CPLANE1: variants seen among roughly 807,000 people sequenced by gnomAD.
CPLANE1 encodes the protein ciliogenesis and planar polarity effector complex subunit 1.
A neutral mutation model predicts 362.5 loss-of-function variants in CPLANE1; 263 were observed. The ratio of observed to expected loss-of-function variants is 0.73; its 90% CI spans 0.66 to 0.80. The LOEUF (loss-of-function observed/expected upper bound fraction) is 0.80. CPLANE1 is among the 30% of genes least tolerant of loss of function. CPLANE1 has a pLI of 0.00. For synonymous variants in CPLANE1, 1,212 were observed against 1,302.6 expected (o/e 0.93, Z 1.50); for missense variants, 3,461 against 3,793.4 (o/e 0.91, Z 2.30).
chr5:37,120,132 C>A, intron 50 of CPLANE1, 84 bp downstream of exon 50: 1 of 1,343,548 alleles, frequency 7.4e-7, no homozygotes, highest in Non-Finnish European at 1.0e-6. Flanking sequence ...AAGACTTATA[C>A]CTTTTACTAA....
intron 17 of CPLANE1, 107 bp from the exon 18 acceptor site, chr5:37,205,561 CT>C: frequency 1.3e-6 from 1 of 741,614 alleles, no homozygotes; most frequent in Non-Finnish European, 2.1e-6. Flanking sequence ...ATGGAATTTA[CT>C]TTTTTATCTA....
At position 37,213,385 on chromosome 5, in the gene CPLANE1, C is replaced by T. The variant is rs532593253; in HGVS notation, c.2920+174G>A. Among the ~76,000 whole-genome samples, 187 of 152,306 alleles carry T rather than the reference C, an allele frequency of 1.2e-3. 1 individual carries two copies. Among genetic ancestry groups the T allele is most frequent in the African/African-American group, 4.4e-3 (181 of 41,574 alleles). On this transcript the variant is annotated intron_variant, in intron 16 of 52. Transcript: ENST00000651892. The stretch of plus-strand genomic sequence containing the variant: ...AAAGCCATGTTCAGTAAAAACGAAT[C>T]TAAGCCATTACTTTTCTCAGATTCT...
At chr5:37,174,495 T>C (rs1780621553) in intron 31 of CPLANE1, among the ~76,000 whole-genome samples, 1 of 152,058 alleles carries the variant, frequency 6.6e-6, no homozygotes, top group Non-Finnish European at 1.5e-5. Flanking sequence ...AGAGTTTAAA[T>C]GTACCATAAA....
At chr5:37,132,337 G>GTTTTTTTTT (rs70976278) in intron 46 of CPLANE1, among the ~76,000 whole-genome samples, 6 of 77,772 alleles carry the variant, frequency 7.7e-5, no homozygotes, top group African/African-American at 2.5e-4. Flanking sequence ...GATTGTTCAA[G>GTTTTTTTTT]TTTTTTTTTT....
the CPLANE1 span, among the ~76,000 whole-genome samples, chr5:37,078,806 T>A: frequency 6.6e-6 from 1 of 152,152 alleles, no homozygotes. Context: ...TCTCTAATGA[T>A]CAGTGATGTT....
chr5:37,189,288 C>A (rs747490040), intron 21 of CPLANE1, among the ~76,000 whole-genome samples: 11 of 152,064 alleles, frequency 7.2e-5, no homozygotes, highest in Non-Finnish European at 1.5e-4. Flanking sequence ...GGAAAGTGGG[C>A]AGAAAGCAGG....
chr5:37,172,009 G>C (rs916833775), intron 32 of CPLANE1, among the ~76,000 whole-genome samples: 1 of 151,948 alleles, frequency 6.6e-6, no homozygotes, highest in Non-Finnish European at 1.5e-5. Flanking sequence ...ATGAGGTCTT[G>C]CTATGTTGTC....
chr5:37,145,720 C>G (rs1249945437), intron 43 of CPLANE1, among the ~76,000 whole-genome samples: 1 of 151,610 alleles, frequency 6.6e-6, no homozygotes, highest in African/African-American at 2.4e-5. Flanking sequence ...AAACTCCATC[C>G]AATAAAAGGC....
At chr5:37,151,715 C>T (rs888507289) in intron 42 of CPLANE1, among the ~76,000 whole-genome samples, 4 of 152,142 alleles carry the variant, frequency 2.6e-5, no homozygotes, top group African/African-American at 9.7e-5. Context: ...TGATGCTGTA[C>T]ATTTATTTGG....
intron 24 of CPLANE1, among the ~76,000 whole-genome samples, chr5:37,185,446 G>A (rs1783728915): frequency 6.6e-6 from 1 of 151,922 alleles, no homozygotes; most frequent in Admixed American, 6.6e-5. Flanking sequence ...TAGAGAATAA[G>A]ATAAAATGAG....
At chr5:37,141,008 C>G in intron 44 of CPLANE1, 1 of 985,432 alleles carries the variant, frequency 1.0e-6, no homozygotes, top group Non-Finnish European at 1.2e-6. Flanking sequence ...GCCTTAGACT[C>G]TGGCAACACT....
intron 50 of CPLANE1, 44 bp downstream of exon 50, chr5:37,120,172 A>T: frequency 6.4e-7 from 1 of 1,570,066 alleles, no homozygotes; most frequent in South Asian, 1.2e-5. Context: ...ACAAGAAGGA[A>T]TAGGTCCAAA....
At chr5:37,206,490 G>T in intron 16 of CPLANE1, 65 bp from the exon 17 acceptor site, 1 of 1,032,484 alleles carries the variant, frequency 9.7e-7, no homozygotes, top group Non-Finnish European at 1.5e-6. Context: ...CTTTACATGG[G>T]CATATTTATC....
At chr5:37,111,211 C>G (rs1430829831) in intron 51 of CPLANE1, among the ~76,000 whole-genome samples, 1 of 151,718 alleles carries the variant, frequency 6.6e-6, no homozygotes, top group East Asian at 1.9e-4. Flanking sequence ...AGCTCCACCT[C>G]CCGGGTTCAC....
intron 50 of CPLANE1, among the ~76,000 whole-genome samples, chr5:37,117,314 G>A (rs1761292247): frequency 6.6e-6 from 1 of 150,554 alleles, no homozygotes; most frequent in Non-Finnish European, 1.5e-5. Context: ...CTAGTATGGG[G>A]CATGAAGTTT....
In CPLANE1 at chr5:37,122,576, CA is replaced by C. The variant is rs1457143866; in HGVS notation, c.8959-89del. On this transcript the variant is annotated intron_variant, in intron 47 of 52. Coordinates refer to ENST00000651892, the MANE Select transcript of CPLANE1 (RefSeq NM_001384732.1). ...TAATTCTGTTATTTAGGAAACAGTA[CA>C]AAACACTGTCGTGTTTGATGAAGCT... The C allele has an allele frequency of 1.4e-5, 14 of 985,702 alleles. No homozygotes were observed. The Admixed American group carries it at 3.1e-4, about 22-fold the overall frequency. The allele number at this position is 985,702 out of a possible 1,614,324, so 61.1% of individuals were successfully genotyped here.
At chr5:37,205,542 T>A in intron 17 of CPLANE1, 88 bp from the exon 18 acceptor site, 1 of 875,168 alleles carries the variant, frequency 1.1e-6, no homozygotes, top group Non-Finnish European at 1.7e-6. Context: ...CATGAAAGTT[T>A]AAGAAACAAT....
chr5:37,140,163 G>A (rs1305079232), intron 44 of CPLANE1: 4 of 875,920 alleles, frequency 4.6e-6, no homozygotes, highest in Non-Finnish European at 5.5e-6. Flanking sequence ...CATTCTAAAT[G>A]TTTAATTCTT....
chr5:37,178,160 T>C (rs1781697901), intron 29 of CPLANE1, among the ~76,000 whole-genome samples: 1 of 152,118 alleles, frequency 6.6e-6, no homozygotes, highest in Admixed American at 6.6e-5. Flanking sequence ...TCAGGCATGG[T>C]GGCGCATACC....
Sources: gnomAD v4.1 joint callset for allele counts (sites outside exome capture counted in the v4.1 genomes callset) on GRCh38, gnomAD v4.1.1 for gene constraint, MANE v1.5 for transcripts, NCBI Gene and HGNC (gene_info 2026-07-23, HGNC 2026-07-21) for gene names.